The following SYT1 variants were observed in gnomAD, a reference collection of about 807,000 sequenced individuals.
SYT1 encodes synaptotagmin 1, also known as synaptotagmin-1.
SYT1 carries 8 observed loss-of-function variants against 44.8 expected under a neutral mutation model. The observed-to-expected ratio is 0.18, with a 90% CI of 0.10 to 0.32. The LOEUF is 0.32. Ranked by LOEUF, SYT1 falls within the 10% of genes least tolerant of loss-of-function variation. SYT1 has a pLI of 1.00. For synonymous variants in SYT1, 154 were observed against 188.8 expected (o/e 0.82, Z 1.51); for missense variants, 286 against 509.3 (o/e 0.56, Z 4.22).
chr12:79,155,795 A>G (rs1401836424), intron 3 of SYT1, among the ~76,000 whole-genome samples: 1 of 152,194 alleles, frequency 6.6e-6, no homozygotes, highest in Non-Finnish European at 1.5e-5. Flanking sequence ...GGAAAAAGCC[A>G]AAGGGAATTC....
At chr12:79,402,953 T>A (rs1242436543) in intron 9 of SYT1, among the ~76,000 whole-genome samples, 4 of 152,196 alleles carry the variant, frequency 2.6e-5, no homozygotes, top group Admixed American at 6.6e-5. Flanking sequence ...CGAACAAACC[T>A]ATTGCAAAAG....
intron 4 of SYT1, among the ~76,000 whole-genome samples, chr12:79,244,482 G>C (rs1196741865): frequency 6.6e-6 from 1 of 152,146 alleles, no homozygotes; most frequent in Admixed American, 6.5e-5. Context: ...AAGGTGGGAG[G>C]ATCACTTGAG....
At chr12:79,401,858 A>G (rs931361617) in intron 9 of SYT1, among the ~76,000 whole-genome samples, 3 of 151,818 alleles carry the variant, frequency 2.0e-5, no homozygotes, top group African/African-American at 7.3e-5. Flanking sequence ...TTGTAAAGTC[A>G]TGGTCTTGCT....
chr12:79,239,426 T>C (rs191130678), intron 4 of SYT1, among the ~76,000 whole-genome samples: 3 of 152,228 alleles, frequency 2.0e-5, no homozygotes, highest in Admixed American at 2.0e-4. Flanking sequence ...ACAGAAAAAC[T>C]CAGAAAATCT....
chr12:78,902,167 C>T (rs976140141), intron 1 of SYT1, among the ~76,000 whole-genome samples: 1 of 150,040 alleles, frequency 6.7e-6, no homozygotes, highest in Non-Finnish European at 1.5e-5. Flanking sequence ...GCACATGTAC[C>T]CCAGAACTTA....
chr12:79,271,316 G>A (rs951115849), intron 4 of SYT1, among the ~76,000 whole-genome samples: 5 of 151,890 alleles, frequency 3.3e-5, no homozygotes, highest in African/African-American at 7.3e-5. Flanking sequence ...AAATAATGAC[G>A]TTTTTCCATC....
rs1239627220 is a variant in SYT1, at chr12:79,430,026, G to A, written c.929-14047G>A. Among the ~76,000 whole-genome samples, 13 of 152,212 alleles carry A rather than the reference G, an allele frequency of 8.5e-5. No homozygotes were observed. In the East Asian group the frequency reaches 2.5e-3, roughly 29 times the overall value. ...AAGGGAAATAGTAAGTTCAAAGGAA[G>A]ACAGTCCCTCTAGTGACCTCTTTCC... is the stretch of plus-strand genomic sequence containing the variant. On this transcript the variant is annotated intron_variant, in intron 9 of 10. Coordinates refer to ENST00000261205, the MANE Select transcript of SYT1 (RefSeq NM_005639.3).
At chr12:79,143,252 G>A (rs1451238376) in intron 3 of SYT1, among the ~76,000 whole-genome samples, 2 of 152,136 alleles carry the variant, frequency 1.3e-5, no homozygotes, top group Non-Finnish European at 2.9e-5. Context: ...AACCCAGAAA[G>A]TGATTTAATT....
intron 3 of SYT1, among the ~76,000 whole-genome samples, chr12:79,205,788 A>G (rs1874085855): frequency 1.3e-5 from 2 of 152,128 alleles, no homozygotes; most frequent in Admixed American, 1.3e-4. Context: ...ATTTATTTTT[A>G]TTTTGGCTAG....
intron 3 of SYT1, among the ~76,000 whole-genome samples, chr12:79,144,560 C>G (rs1377952995): frequency 2.0e-5 from 3 of 152,164 alleles, no homozygotes; most frequent in Non-Finnish European, 4.4e-5. Flanking sequence ...TACAAACAAA[C>G]TGGGCTAGAC....
At chr12:79,340,250 T>C (rs970515671) in intron 8 of SYT1, among the ~76,000 whole-genome samples, 1 of 152,192 alleles carries the variant, frequency 6.6e-6, no homozygotes, top group Non-Finnish European at 1.5e-5. Flanking sequence ...AATCTATAAA[T>C]TACCTTGGGC....
intron 1 of SYT1, among the ~76,000 whole-genome samples, chr12:78,944,079 T>A (rs1306597223): frequency 2.0e-5 from 3 of 152,068 alleles, no homozygotes; most frequent in Non-Finnish European, 2.9e-5. Flanking sequence ...TGATAAATAA[T>A]ATTTAAAATT....
chr12:79,283,340 A>T (rs756722763), intron 4 of SYT1, among the ~76,000 whole-genome samples: 43 of 152,178 alleles, frequency 2.8e-4, no homozygotes, highest in Admixed American at 7.2e-4. Context: ...AAAGTTTTTC[A>T]GTGGTTATAA....
intron 3 of SYT1, among the ~76,000 whole-genome samples, chr12:79,176,736 C>T (rs1422973376): frequency 6.6e-6 from 1 of 151,992 alleles, no homozygotes; most frequent in African/African-American, 2.4e-5. Flanking sequence ...CTCTTTGCCA[C>T]ATTTGCTTTG....
chr12:79,266,188 G>A (rs1878116903), intron 4 of SYT1, among the ~76,000 whole-genome samples: 1 of 152,084 alleles, frequency 6.6e-6, no homozygotes, highest in African/African-American at 2.4e-5. Context: ...TTTCATGGAA[G>A]GCAAAGGAAA....
chr12:79,203,882 T>G (rs540307871), intron 3 of SYT1, among the ~76,000 whole-genome samples: 1 of 152,360 alleles, frequency 6.6e-6, no homozygotes, highest in East Asian at 1.9e-4. Context: ...CGTACATGGC[T>G]GTATCCCCAG....
intron 1 of SYT1, among the ~76,000 whole-genome samples, chr12:78,943,345 C>T (rs1266090751): frequency 3.3e-5 from 5 of 152,088 alleles, no homozygotes; most frequent in African/African-American, 1.2e-4. Context: ...TCTGGGGAGG[C>T]CTCAGGAAGC....
intron 1 of SYT1, among the ~76,000 whole-genome samples, chr12:78,897,348 C>A (rs1011027068): frequency 6.6e-6 from 1 of 151,788 alleles, no homozygotes. Flanking sequence ...GGGAATATTA[C>A]CCAGTAAACT....
At chr12:79,133,945 T>C (rs1869018220) in intron 3 of SYT1, among the ~76,000 whole-genome samples, 1 of 152,240 alleles carries the variant, frequency 6.6e-6, no homozygotes, top group South Asian at 2.1e-4. Context: ...GTCATCTGTG[T>C]CCATAGATTG....
Sources: allele counts gnomAD v4.1 joint callset (sites outside exome capture counted in the v4.1 genomes callset), GRCh38; gene constraint gnomAD v4.1.1; transcripts MANE v1.5; gene names NCBI Gene and HGNC (gene_info 2026-07-23, HGNC 2026-07-21).